The following EPC2 variants were observed in gnomAD, a reference collection of about 807,000 sequenced individuals.
EPC2 encodes the protein enhancer of polycomb homolog 2.
EPC2 carries 14 observed loss-of-function variants against 92.1 expected under a neutral mutation model. The observed-to-expected ratio is 0.15, with a 90% confidence interval of 0.10 to 0.24. EPC2 has a LOEUF of 0.24. EPC2 is among the 10% of genes least tolerant of loss of function. EPC2 has a pLI of 1.00. For synonymous variants in EPC2, 340 were observed against 334.7 expected (o/e 1.02, Z -0.17); for missense variants, 755 against 971.5 (o/e 0.78, Z 2.96).
intron 4 of EPC2, among the ~76,000 whole-genome samples, chr2:148,760,022 C>T (rs1683271855): frequency 6.6e-6 from 1 of 152,114 alleles, no homozygotes; most frequent in African/African-American, 2.4e-5. Context: ...GTGGGCAGAT[C>T]ATTTGAGGTC....
intron 4 of EPC2, among the ~76,000 whole-genome samples, chr2:148,755,361 A>G (rs1350560270): frequency 6.6e-6 from 1 of 152,132 alleles, no homozygotes; most frequent in African/African-American, 2.4e-5. Context: ...GAGGAAAGAG[A>G]GGTTTATCTA....
chr2:148,782,727 G>A (rs1231837740), intron 11 of EPC2, among the ~76,000 whole-genome samples: 1 of 146,004 alleles, frequency 6.8e-6, no homozygotes, highest in Non-Finnish European at 1.5e-5. Flanking sequence ...GCTTCATTGT[G>A]GACTTCTGGC....
At chr2:148,780,034 T>A (rs1377359687) in intron 10 of EPC2, among the ~76,000 whole-genome samples, 1 of 152,230 alleles carries the variant, frequency 6.6e-6, no homozygotes, top group Admixed American at 6.5e-5. Context: ...CATTTGAGTT[T>A]GAAGATTATA....
At chr2:148,687,640 G>A (rs1681554101) in intron 1 of EPC2, among the ~76,000 whole-genome samples, 1 of 152,198 alleles carries the variant, frequency 6.6e-6, no homozygotes, top group African/African-American at 2.4e-5. Context: ...TAGTATAGAT[G>A]ATTATTTGGG....
chr2:148,688,384 G>A (rs1681572392), intron 1 of EPC2, among the ~76,000 whole-genome samples: 1 of 151,996 alleles, frequency 6.6e-6, no homozygotes, highest in Admixed American at 6.5e-5. Flanking sequence ...CACAGGAAGG[G>A]GAACATCACA....
In EPC2 at chr2:148,711,099, TCTC is replaced by T. The variant is rs528487198; in HGVS notation, c.313+20730_313+20732del. ...TTTCCTGTTTTCAGTTTGATTAATT[TCTC>T]CTCTTTTTTTTTCTTCACTTACTTT... On this transcript the variant is annotated intron_variant, in intron 2 of 13. Coordinates refer to ENST00000258484, the MANE Select transcript of EPC2 (RefSeq NM_015630.4). Among the ~76,000 whole-genome samples the T allele has an allele frequency of 3.0e-4, 46 of 152,190 alleles. No homozygotes were observed. The South Asian group carries it at 8.9e-3, about 29-fold the overall frequency.
chr2:148,773,955 C>G (rs1683574138), intron 10 of EPC2, among the ~76,000 whole-genome samples: 1 of 152,046 alleles, frequency 6.6e-6, no homozygotes, highest in Non-Finnish European at 1.5e-5. Context: ...GTCTTGAACA[C>G]TTTTTCCTTC....
At chr2:148,690,162 CATTG>C in intron 1 of EPC2, 48 bp from the exon 2 acceptor site, 3 of 1,473,828 alleles carry the variant, frequency 2.0e-6, no homozygotes. Flanking sequence ...TAAAATTATG[CATTG>C]ATTAATATTA....
At chr2:148,728,600 T>C (rs955866148) in intron 2 of EPC2, among the ~76,000 whole-genome samples, 4 of 151,958 alleles carry the variant, frequency 2.6e-5, no homozygotes, top group Non-Finnish European at 5.9e-5. Context: ...GTGGTGGTGT[T>C]ATGTCTGTAG....
intron 1 of EPC2, among the ~76,000 whole-genome samples, chr2:148,689,659 G>A (rs1681604445): frequency 6.6e-6 from 1 of 152,184 alleles, no homozygotes; most frequent in Admixed American, 6.5e-5. Flanking sequence ...AGTTGTGGAA[G>A]TAATGAAGTG....
rs371614122 is a variant in EPC2, at chr2:148,740,404, A to G, written c.314-3218A>G. The stretch of plus-strand genomic sequence containing the variant: ...AAAAGCAACAAAATCTCCAAAATCT[A>G]TAATGATTCTTATATGGGTTTTGAG... On this transcript the variant is annotated intron_variant, in intron 2 of 13. Transcript: ENST00000258484. 2.6e-5 allele frequency among the ~76,000 whole-genome samples: 4 copies of G among 152,198 alleles called. No individual in the cohort carries two copies. The South Asian group carries it at 8.3e-4, about 32-fold the overall frequency.
intron 3 of EPC2, among the ~76,000 whole-genome samples, chr2:148,751,216 A>G (rs1223664774): frequency 1.3e-5 from 2 of 152,142 alleles, no homozygotes; most frequent in Non-Finnish European, 2.9e-5. Flanking sequence ...ATAAATTAGA[A>G]TACATTAATT....
chr2:148,645,105 G>A lies in EPC2; in HGVS notation c.88G>A (p.Asp30Asn). 6.2e-7 allele frequency: 1 copy of A among 1,604,936 alleles called. No homozygotes were observed. The highest frequency in any genetic ancestry group is 8.5e-7 in the Non-Finnish European group (1 of 1,175,564). ...CGGCAAGGACATGCCTGATCTCAACGACTGCGTCTCCATCAACCGGGCCGT... is the reference window on the plus strand; with the variant it reads ...CGGCAAGGACATGCCTGATCTCAACAACTGCGTCTCCATCAACCGGGCCGT... ...YRGKDMPDLN[D>N]CVSINRAVPQ... The change falls in exon 1 of 14, where the codon GAC becomes AAC. Residue 30 changes from aspartate (D) to asparagine (N), a missense_variant. By Grantham distance (23) the Asp-to-Asn change is conservative. Around this residue, in one of 4 missense-constraint regions of EPC2, gnomAD observed 36 missense variants for 84.0 expected, o/e 0.43. Transcript: ENST00000258484.
At chr2:148,655,759 C>T (rs1363640899) in intron 1 of EPC2, among the ~76,000 whole-genome samples, 1 of 152,068 alleles carries the variant, frequency 6.6e-6, no homozygotes, top group African/African-American at 2.4e-5. Context: ...ATTCCTGTGT[C>T]GTCCTTGTCT....
chr2:148,655,423 A>G (rs991909472), intron 1 of EPC2, among the ~76,000 whole-genome samples: 2 of 152,196 alleles, frequency 1.3e-5, no homozygotes, highest in African/African-American at 4.8e-5. Context: ...AAAATAAACA[A>G]TTTTTAATAT....
chr2:148,654,794 A>G (rs796210759), intron 1 of EPC2, among the ~76,000 whole-genome samples: 1 of 152,258 alleles, frequency 6.6e-6, no homozygotes, highest in African/African-American at 2.4e-5. Flanking sequence ...AAAGACCTTG[A>G]AAATTTTTTG....
chr2:148,748,034 T>C (rs1683017625), intron 3 of EPC2, among the ~76,000 whole-genome samples: 1 of 152,086 alleles, frequency 6.6e-6, no homozygotes, highest in Admixed American at 6.6e-5. Flanking sequence ...GTGGAGATGA[T>C]TGGATCGTGA....
chr2:148,696,108 G>A (rs1427690171), intron 2 of EPC2, among the ~76,000 whole-genome samples: 4 of 152,200 alleles, frequency 2.6e-5, no homozygotes, highest in African/African-American at 9.7e-5. Flanking sequence ...ATCTGGGTAG[G>A]TACTAATCCA....
chr2:148,698,203 C>A (rs1219841783), intron 2 of EPC2, among the ~76,000 whole-genome samples: 1 of 152,164 alleles, frequency 6.6e-6, no homozygotes, highest in Admixed American at 6.5e-5. Context: ...TCCTCACTAA[C>A]ATTGTTCTTA....
Sources: allele counts gnomAD v4.1 joint callset (sites outside exome capture counted in the v4.1 genomes callset), GRCh38; gene constraint gnomAD v4.1.1; regional missense constraint gnomAD v4.1.1; transcripts MANE v1.5; gene names NCBI Gene and HGNC (gene_info 2026-07-23, HGNC 2026-07-21).